The following STXBP6 variants were observed in gnomAD, a reference collection of about 807,000 sequenced individuals.
The protein encoded by STXBP6 is syntaxin binding protein 6.
A neutral mutation model predicts 26.9 loss-of-function variants in STXBP6; 21 were observed. That is an observed-to-expected ratio of 0.78 (90% confidence interval 0.55 to 1.12). The LOEUF is 1.12. STXBP6 is among the 50% of genes most tolerant of loss of function. The pLI, the probability that STXBP6 is intolerant of heterozygous loss-of-function variation, is 0.00. For missense variants in STXBP6, 232 were observed against 257.9 expected (o/e 0.90, Z 0.69); for synonymous variants, 97 against 92.6 (o/e 1.05, Z -0.27).
chr14:24,987,975 AGTG>A (rs1261658855), intron 1 of STXBP6: 60 of 743,644 alleles, frequency 8.1e-5, no homozygotes, highest in Non-Finnish European at 9.5e-5. Context: ...CTTACATTCT[AGTG>A]GGGAAGAAGA....
At chr14:24,847,034 T>C (rs2068988291) in intron 4 of STXBP6, among the ~76,000 whole-genome samples, 1 of 152,170 alleles carries the variant, frequency 6.6e-6, no homozygotes, top group Admixed American at 6.5e-5. Flanking sequence ...GCCTTCAACC[T>C]TGAAGATTAT....
chr14:25,023,263 C>T (rs1442710258), intron 1 of STXBP6, among the ~76,000 whole-genome samples: 4 of 150,364 alleles, frequency 2.7e-5, no homozygotes, highest in Non-Finnish European at 4.4e-5. Context: ...CATGATTCCA[C>T]AGAAAGTTTT....
intron 2 of STXBP6, among the ~76,000 whole-genome samples, chr14:24,914,284 C>T (rs772941034): frequency 2.0e-5 from 3 of 152,140 alleles, no homozygotes; most frequent in Non-Finnish European, 2.9e-5. Context: ...CAGATTAGTA[C>T]TACTTTCTTA....
chr14:24,891,893 A>C (rs974371154), intron 2 of STXBP6, among the ~76,000 whole-genome samples: 1 of 152,170 alleles, frequency 6.6e-6, no homozygotes, highest in Non-Finnish European at 1.5e-5. Context: ...TCCTGGAATG[A>C]CTTTCCTGCT....
At chr14:25,034,037 A>AT (rs1435015210) in intron 1 of STXBP6, among the ~76,000 whole-genome samples, 3 of 152,208 alleles carry the variant, frequency 2.0e-5, no homozygotes, top group Non-Finnish European at 4.4e-5. Flanking sequence ...GAGAGAAACT[A>AT]TAATATCTTT....
intron 1 of STXBP6, among the ~76,000 whole-genome samples, chr14:24,993,370 C>A (rs556055624): frequency 6.6e-6 from 1 of 152,184 alleles, no homozygotes; most frequent in Non-Finnish European, 1.5e-5. Context: ...TGATCCCCAT[C>A]CCTCACAGGA....
At chr14:25,026,962 C>T (rs1015404011) in intron 1 of STXBP6, among the ~76,000 whole-genome samples, 13 of 152,194 alleles carry the variant, frequency 8.5e-5, no homozygotes, top group African/African-American at 2.7e-4. Context: ...AGACTGATTG[C>T]AAGCATGCAT....
chr14:25,003,962 G>T (rs2057886963), intron 1 of STXBP6, among the ~76,000 whole-genome samples: 1 of 152,190 alleles, frequency 6.6e-6, no homozygotes, highest in Non-Finnish European at 1.5e-5. Context: ...AACATTTATT[G>T]TGCCATACAT....
At chr14:25,016,842 T>TTCGGGCTCTAATTACATGTGTATTTGGTA in intron 1 of STXBP6, among the ~76,000 whole-genome samples, 1 of 152,338 alleles carries the variant, frequency 6.6e-6, no homozygotes, top group South Asian at 2.1e-4. Flanking sequence ...CACACAATAC[T>TTCGGGCTCTAATTACATGTGTATTTGGTA]TCGGGCTCTA....
intron 1 of STXBP6, among the ~76,000 whole-genome samples, chr14:25,035,704 TA>T (rs1303267080): frequency 1.3e-5 from 2 of 152,184 alleles, no homozygotes; most frequent in African/African-American, 4.8e-5. Flanking sequence ...TACCTCATTT[TA>T]TCCAGGGAAA....
intron 1 of STXBP6, among the ~76,000 whole-genome samples, chr14:25,018,940 G>A (rs1389176628): frequency 6.6e-6 from 1 of 152,184 alleles, no homozygotes; most frequent in East Asian, 1.9e-4. Flanking sequence ...ATCTTAAGGA[G>A]GCTAGGGCTC....
At chr14:24,889,769 A>G (rs888773887) in intron 2 of STXBP6, among the ~76,000 whole-genome samples, 4 of 152,190 alleles carry the variant, frequency 2.6e-5, no homozygotes, top group East Asian at 1.9e-4. Flanking sequence ...TCAATCCAGG[A>G]GAGTCATACT....
intron 4 of STXBP6, among the ~76,000 whole-genome samples, chr14:24,828,900 C>A (rs1046142419): frequency 6.6e-6 from 1 of 152,128 alleles, no homozygotes; most frequent in Non-Finnish European, 1.5e-5. Context: ...AAAGGATGCA[C>A]CATTTTGGGA....
At chr14:25,024,736 A>C (rs1010129133) in intron 1 of STXBP6, among the ~76,000 whole-genome samples, 1 of 152,190 alleles carries the variant, frequency 6.6e-6, no homozygotes, top group African/African-American at 2.4e-5. Context: ...GTGTTAAAAT[A>C]ATAATAATAA....
chr14:24,877,497 T>C (rs1434547558), intron 2 of STXBP6, among the ~76,000 whole-genome samples: 3 of 152,116 alleles, frequency 2.0e-5, no homozygotes, highest in African/African-American at 7.2e-5. Context: ...AAAGGTAGCA[T>C]ATTATATACA....
chr14:24,865,242 G>C (rs2069676630), intron 2 of STXBP6, among the ~76,000 whole-genome samples: 1 of 152,022 alleles, frequency 6.6e-6, no homozygotes, highest in African/African-American at 2.4e-5. Context: ...GGTTTTTAAG[G>C]CATTGTATAT....
chr14:24,888,203 G>A (rs984541739), intron 2 of STXBP6, among the ~76,000 whole-genome samples: 15 of 152,222 alleles, frequency 9.9e-5, no homozygotes, highest in African/African-American at 3.1e-4. Flanking sequence ...CAAACCCAAA[G>A]ACAAATGAAA....
At chr14:24,862,434 C>G (rs1208768952) in intron 2 of STXBP6, among the ~76,000 whole-genome samples, 1 of 152,118 alleles carries the variant, frequency 6.6e-6, no homozygotes, top group Admixed American at 6.5e-5. Context: ...TTAAACAGTC[C>G]CTGCTCCATT....
intron 2 of STXBP6, among the ~76,000 whole-genome samples, chr14:24,951,046 A>T (rs1453931825): frequency 6.6e-6 from 1 of 152,148 alleles, no homozygotes; most frequent in Non-Finnish European, 1.5e-5. Flanking sequence ...AGCTTCATCC[A>T]CGTCCCTGCA....
Sources: allele counts gnomAD v4.1 joint callset (sites outside exome capture counted in the v4.1 genomes callset), GRCh38; gene constraint gnomAD v4.1.1; transcripts MANE v1.5; gene names NCBI Gene and HGNC (gene_info 2026-07-23, HGNC 2026-07-21).